The following STS variants were observed in gnomAD, a reference collection of about 807,000 sequenced individuals.
The protein encoded by STS is steroid sulfatase.
STS carries 7 observed loss-of-function variants against 26.8 expected under a neutral mutation model. The ratio of observed to expected loss-of-function variants is 0.26; its 90% CI spans 0.15 to 0.49. STS has a LOEUF of 0.49. Ranked by LOEUF, STS falls within the 20% of genes least tolerant of loss-of-function variation. The pLI is 0.98. For missense variants in STS, 434 were observed against 465.6 expected (o/e 0.93, Z 0.63); for synonymous variants, 199 against 189.4 (o/e 1.05, Z -0.42).
chrX:7,205,084 C>T (rs1381470768), intron 2 of STS, among the ~76,000 whole-genome samples: 3 of 111,689 alleles, frequency 2.7e-5, no homozygotes, highest in Non-Finnish European at 5.6e-5. Context: ...ACCCAGACTC[C>T]ATGGACAACG....
rs1431378547 is a variant in STS at position 7,310,996 on chromosome X, G to A, written c.1081+5813G>A. The stretch of plus-strand genomic sequence containing the variant: ...ATGATCTTATTGAATGCTTTACCCC[G>A]TGACTGAACCTCAGTGCTACGATAT... On this transcript the variant is annotated intron_variant, in intron 8 of 10. Transcript: ENST00000674429. Among the ~76,000 whole-genome samples, 12 of 111,926 alleles carry A rather than the reference G, an allele frequency of 1.1e-4. No homozygotes were observed. The South Asian group carries it at 1.1e-3, about 11-fold the overall frequency.
chrX:7,313,517 T>C (rs1926576106), intron 8 of STS, among the ~76,000 whole-genome samples: 2 of 112,547 alleles, frequency 1.8e-5, no homozygotes, highest in African/African-American at 3.2e-5. Context: ...GCAAACATTG[T>C]CATTGGCTTC....
chrX:7,230,989 A>G (rs1173873608), intron 2 of STS, among the ~76,000 whole-genome samples: 3 of 112,418 alleles, frequency 2.7e-5, no homozygotes, highest in Non-Finnish European at 3.8e-5. Flanking sequence ...ATTATTTTCC[A>G]TATGACCCAG....
At chrX:7,219,497 G>A in intron 2 of STS, 1 of 1,141,482 alleles carries the variant, frequency 8.8e-7, no homozygotes, top group Non-Finnish European at 1.2e-6. Context: ...ACGGGACCCA[G>A]CTGTAGTGAG....
At chrX:7,162,928 G>A (rs1399183724) in intron 1 of STS, among the ~76,000 whole-genome samples, 1 of 103,281 alleles carries the variant, frequency 9.7e-6, no homozygotes, top group East Asian at 3.1e-4. Flanking sequence ...CTGGTGGCGC[G>A]CGCCTGTAAT....
intron 7 of STS, among the ~76,000 whole-genome samples, chrX:7,295,217 C>G (rs1476704502): frequency 8.9e-6 from 1 of 111,759 alleles, no homozygotes; most frequent in East Asian, 2.8e-4. Flanking sequence ...GGGGTCAGAA[C>G]TAGAGTTGAA....
intron 3 of STS, 107 bp from the exon 4 acceptor site, chrX:7,257,134 TG>T (rs1923449736): frequency 9.4e-7 from 1 of 1,067,632 alleles, no homozygotes; most frequent in African/African-American, 1.8e-5. Flanking sequence ...GAGCCGAGAT[TG>T]CGCCACTGCA....
intron 7 of STS, among the ~76,000 whole-genome samples, chrX:7,303,169 A>T (rs1926051745): frequency 9.0e-6 from 1 of 110,796 alleles, no homozygotes; most frequent in Non-Finnish European, 1.9e-5. Flanking sequence ...GGTAATAAAT[A>T]GGTTTCGCGA....
At chrX:7,210,516 AATAG>A (rs1469999816) in intron 2 of STS, among the ~76,000 whole-genome samples, 1 of 107,466 alleles carries the variant, frequency 9.3e-6, no homozygotes, top group Non-Finnish European at 1.9e-5. Flanking sequence ...ATTTATAAAA[AATAG>A]ATGTATGTAT....
chrX:7,238,873 G>T (rs1386054993), intron 2 of STS, among the ~76,000 whole-genome samples: 1 of 110,646 alleles, frequency 9.0e-6, no homozygotes, highest in African/African-American at 3.3e-5. Context: ...AAAATCAGCA[G>T]GAACCAATAG....
chrX:7,338,835 A>G (rs1262605712), intron 10 of STS, among the ~76,000 whole-genome samples: 8 of 112,237 alleles, frequency 7.1e-5, no homozygotes, highest in Non-Finnish European at 1.3e-4. Context: ...GAGTGTTTCA[A>G]ATGATCACAG....
In STS at chrX:7,276,038, T is replaced by G. The variant is rs1569209707; in HGVS notation, c.894T>G (p.Ser298Arg). 1 of 1,206,321 alleles carries G rather than the reference T, an allele frequency of 8.3e-7. No individual in the cohort carries two copies. The highest frequency in any genetic ancestry group is 1.1e-6 in the Non-Finnish European group (1 of 893,473). The change falls in exon 7 of 11, where the codon AGT (serine) becomes AGG (arginine). Residue 298 changes from serine (S) to arginine (R), a missense_variant. Transcript: ENST00000674429. ...CCAGCAAAGACTTTGCTGGCAAAAGTCAACACGGAGTCTACGGGGATGCTG... is the reference window on the plus strand; with the variant it reads ...CCAGCAAAGACTTTGCTGGCAAAAGGCAACACGGAGTCTACGGGGATGCTG... ...LFSSKDFAGKSQHGVYGDAVE... is the reference protein window; with the variant it reads ...LFSSKDFAGKRQHGVYGDAVE...
Position 7,288,897 on chromosome X carries a change from T to A in STS, c.943+12810T>A, listed in dbSNP as rs192079368. The stretch of plus-strand genomic sequence containing the variant: ...CATAATGAAACCACTGGAAGCCAGG[T>A]GGCTGTAGCCCAGTAGTCTCTTCCC... On this transcript the variant is annotated intron_variant, in intron 7 of 10. Transcript: ENST00000674429. Among the ~76,000 whole-genome samples, 7 of 111,648 alleles carry A rather than the reference T, an allele frequency of 6.3e-5. No individual in the cohort carries two copies. The East Asian group carries it at 2.0e-3, about 32-fold the overall frequency.
intron 1 of STS, among the ~76,000 whole-genome samples, chrX:7,189,220 T>C (rs1282319901): frequency 1.8e-5 from 2 of 111,756 alleles, no homozygotes; most frequent in Admixed American, 1.9e-4. Flanking sequence ...GATTTATATA[T>C]TAATAAATAG....
In STS at chrX:7,350,293, C is replaced by CT; in HGVS notation, c.*32_*33insT. ...CTGGGGACCAGACAGACGCATGTGG[C>CT]AAAGCTCACCATCTTCACTACAAAC... On this transcript the variant is annotated 3_prime_UTR_variant, in exon 11 of 11. Transcript: ENST00000674429. 4 of 1,193,138 alleles carry CT rather than the reference C, an allele frequency of 3.4e-6. No individual in the cohort carries two copies. Among genetic ancestry groups the CT allele is most frequent in the Non-Finnish European group, 4.5e-6 (4 of 887,406 alleles).
chrX:7,231,501 G>T (rs1922057950), intron 2 of STS, among the ~76,000 whole-genome samples: 1 of 111,331 alleles, frequency 9.0e-6, no homozygotes, highest in Non-Finnish European at 1.9e-5. Flanking sequence ...GAGAGGTCAG[G>T]CTAGGGGGAT....
At chrX:7,223,966 A>G (rs1266707655) in intron 2 of STS, among the ~76,000 whole-genome samples, 1 of 110,858 alleles carries the variant, frequency 9.0e-6, no homozygotes, top group Non-Finnish European at 1.9e-5. Flanking sequence ...AAGGAGAGGC[A>G]TTGGCGAGAG....
chrX:7,211,407 T>A (rs1921026540), intron 2 of STS, among the ~76,000 whole-genome samples: 1 of 111,486 alleles, frequency 9.0e-6, no homozygotes, highest in African/African-American at 3.3e-5. Flanking sequence ...GGGACTGAGG[T>A]CCCCATTTTC....
chrX:7,234,504 G>A (rs1483870498), intron 2 of STS, among the ~76,000 whole-genome samples: 7 of 112,248 alleles, frequency 6.2e-5, no homozygotes, highest in Non-Finnish European at 1.1e-4. Flanking sequence ...TGGTGGAGCT[G>A]TAGGGCTGGG....
Sources: gnomAD v4.1 joint callset for allele counts (sites outside exome capture counted in the v4.1 genomes callset) on GRCh38, gnomAD v4.1.1 for gene constraint, MANE v1.5 for transcripts, NCBI Gene and HGNC (gene_info 2026-07-23, HGNC 2026-07-21) for gene names.